Variants in SEPTIN11 observed in about 807,000 individuals in gnomAD.
The protein encoded by SEPTIN11 is septin 11.
In SEPTIN11, 25 loss-of-function variants were observed where a neutral mutation model predicts 51.4. The observed-to-expected ratio is 0.49, with a 90% CI of 0.35 to 0.68. The LOEUF is 0.68. Ranked by LOEUF, SEPTIN11 falls within the 30% of genes least tolerant of loss-of-function variation. The pLI is 0.00. For missense variants in SEPTIN11, 381 were observed against 520.8 expected, an observed-to-expected ratio of 0.73 and a Z score of 2.61; for synonymous variants, 174 against 184.1, an observed-to-expected ratio of 0.95 and a Z score of 0.44.
chr4:77,018,944 C>G (rs1452046649), intron 5 of SEPTIN11, among the ~76,000 whole-genome samples: 1 of 152,154 alleles, frequency 6.6e-6, no homozygotes, highest in East Asian at 1.9e-4. Flanking sequence ...TTTATAGTTG[C>G]AAAGACTCAT....
chr4:76,983,312 G>A (rs1321429515), intron 1 of SEPTIN11, among the ~76,000 whole-genome samples: 2 of 152,312 alleles, frequency 1.3e-5, no homozygotes, highest in African/African-American at 4.8e-5. Context: ...AGGTGACCTC[G>A]TGGCTTGGAA....
chr4:77,013,014 T>G (rs1431219968), intron 4 of SEPTIN11, among the ~76,000 whole-genome samples: 1 of 152,220 alleles, frequency 6.6e-6, no homozygotes, highest in African/African-American at 2.4e-5. Flanking sequence ...TGAGGGCCGC[T>G]TCCGGGTCTG....
chr4:76,961,670 A>C (rs201875750), intron 1 of SEPTIN11, among the ~76,000 whole-genome samples: 16 of 152,370 alleles, frequency 1.1e-4, no homozygotes, highest in Non-Finnish European at 1.9e-4. Flanking sequence ...AGTGTTGACT[A>C]TCTCAGGTAA....
chr4:76,967,999 A>G (rs1470785179), intron 1 of SEPTIN11, among the ~76,000 whole-genome samples: 2 of 152,130 alleles, frequency 1.3e-5, no homozygotes, highest in Non-Finnish European at 2.9e-5. Context: ...GAGCAGGCCC[A>G]CAGCTGAGGG....
intron 1 of SEPTIN11, among the ~76,000 whole-genome samples, chr4:76,971,520 T>A (rs188732590): frequency 6.6e-6 from 1 of 151,804 alleles, no homozygotes; most frequent in Non-Finnish European, 1.5e-5. Flanking sequence ...CATGCAGACA[T>A]CAATGTATAC....
intron 1 of SEPTIN11, among the ~76,000 whole-genome samples, chr4:76,958,116 A>G (rs1721642104): frequency 1.3e-5 from 2 of 152,162 alleles, no homozygotes; most frequent in African/African-American, 4.8e-5. Flanking sequence ...CCTTCAGATA[A>G]ATTGGATAAG....
chr4:77,007,130 G>A (rs1053009384), intron 3 of SEPTIN11, among the ~76,000 whole-genome samples: 7 of 152,182 alleles, frequency 4.6e-5, no homozygotes, highest in African/African-American at 1.2e-4. Context: ...AGAGGCCCCT[G>A]CCTGAAGGCT....
intron 3 of SEPTIN11, among the ~76,000 whole-genome samples, chr4:77,011,321 G>T (rs1352077074): frequency 6.6e-6 from 1 of 152,164 alleles, no homozygotes; most frequent in Non-Finnish European, 1.5e-5. Flanking sequence ...CCCAGTTTTG[G>T]CCCAGCAGGA....
chr4:77,013,772 A>T (rs1204680995), intron 4 of SEPTIN11, among the ~76,000 whole-genome samples: 1 of 152,202 alleles, frequency 6.6e-6, no homozygotes, highest in Non-Finnish European at 1.5e-5. Context: ...AAGCAAAGGC[A>T]TGCAGATGGG....
At chr4:77,016,639 T>TATATATATATATAC (rs1560736409) in intron 5 of SEPTIN11, among the ~76,000 whole-genome samples, 1 of 110,900 alleles carries the variant, frequency 9.0e-6, no homozygotes, top group African/African-American at 3.4e-5. Flanking sequence ...TACACATATA[T>TATATATATATATAC]ATATATATAT....
chr4:76,950,072 TGGGCGCGCGTCTGG>T, intron 1 of SEPTIN11, 142 bp downstream of exon 1: 1 of 869,068 alleles, frequency 1.2e-6, no homozygotes, highest in Non-Finnish European at 1.6e-6. Flanking sequence ...TGCACGAATT[TGGGCGCGCGTCTGG>T]GGTCGGGGTT....
intron 7 of SEPTIN11, among the ~76,000 whole-genome samples, chr4:77,021,809 A>G (rs948504732): frequency 2.0e-5 from 3 of 152,138 alleles, no homozygotes; most frequent in Admixed American, 6.5e-5. Flanking sequence ...TTTTCTTGCA[A>G]TTGCTTTAGA....
intron 3 of SEPTIN11, among the ~76,000 whole-genome samples, chr4:77,011,301 A>G (rs1724845037): frequency 6.6e-6 from 1 of 152,074 alleles, no homozygotes; most frequent in Non-Finnish European, 1.5e-5. Flanking sequence ...TCTGAGATGG[A>G]TTTTTGAGGC....
intron 1 of SEPTIN11, among the ~76,000 whole-genome samples, chr4:76,963,112 A>G (rs1378601596): frequency 6.6e-6 from 1 of 152,244 alleles, no homozygotes; most frequent in Non-Finnish European, 1.5e-5. Context: ...TTTCTATTCC[A>G]ATAAAGAGAG....
chr4:76,976,896 C>A (rs1722528278), intron 1 of SEPTIN11, among the ~76,000 whole-genome samples: 1 of 152,180 alleles, frequency 6.6e-6, no homozygotes, highest in South Asian at 2.1e-4. Context: ...TGGTCCCTGT[C>A]ACTTATAGCC....
At chr4:76,956,962 A>ATTGTGTGTG (rs1553966569) in intron 1 of SEPTIN11, among the ~76,000 whole-genome samples, 5 of 119,118 alleles carry the variant, frequency 4.2e-5, no homozygotes, top group South Asian at 3.1e-4. Flanking sequence ...TAGTAGAATG[A>ATTGTGTGTG]TGTGTGTGTG....
chr4:76,976,781 G>A (rs576914315), intron 1 of SEPTIN11, among the ~76,000 whole-genome samples: 2 of 152,136 alleles, frequency 1.3e-5, no homozygotes, highest in Admixed American at 6.5e-5. Flanking sequence ...CATTGCAAAT[G>A]TTAGAATCCC....
chr4:77,035,211 AT>A lies in SEPTIN11; in HGVS notation c.*702del. 2.0e-6 allele frequency: 2 copies of A among 985,398 alleles called. No individual in the cohort carries two copies. Among genetic ancestry groups the A allele is most frequent in the Non-Finnish European group, 2.4e-6 (2 of 829,936 alleles). The allele number at this position is 985,398 out of a possible 1,614,324, so 61.0% of individuals were successfully genotyped here. A position where few individuals can be genotyped will look rare whatever the true frequency, so the allele number is the denominator to read the frequency against. On this transcript the variant is annotated 3_prime_UTR_variant, in exon 10 of 10. Transcript: ENST00000264893. ...TATGAGAAAACTATGATTAGTTCAC[AT>A]TTACTGGTGCATCCTTGATCCTCTC...
rs1214137441 is a variant in SEPTIN11 at position 77,005,756 on chromosome 4, G to C, written c.298G>C (p.Asp100His). ...TGTACGGCTGAAGTTAACCATTGTT[G>C]ACACCGTGGGATTTGGAGACCAGAT... The part of the protein sequence containing the change: ...SNVRLKLTIV[D>H]TVGFGDQINK... Residue 100 changes from aspartate (D) to histidine (H), a missense_variant, in exon 3 of 10, where the codon GAC becomes CAC. Coordinates refer to ENST00000264893, the MANE Select transcript of SEPTIN11 (RefSeq NM_018243.4). 1.2e-6 allele frequency: 2 copies of C among 1,613,778 alleles called. No homozygotes were observed. Among genetic ancestry groups the C allele is most frequent in the Non-Finnish European group, 1.7e-6 (2 of 1,179,878 alleles).
Sources: gnomAD v4.1 joint callset for allele counts (sites outside exome capture counted in the v4.1 genomes callset) on GRCh38, gnomAD v4.1.1 for gene constraint, MANE v1.5 for transcripts, NCBI Gene and HGNC (gene_info 2026-07-23, HGNC 2026-07-21) for gene names.